Variants in DAAM1 observed in about 807,000 individuals in gnomAD.
The protein encoded by DAAM1 is dishevelled associated activator of morphogenesis 1.
Under a neutral mutation model 130.0 loss-of-function variants are expected in DAAM1, and 52 were observed. The observed-to-expected ratio is 0.40, with a 90% confidence interval of 0.32 to 0.50. The LOEUF is 0.50. Ranked by LOEUF, DAAM1 falls within the 20% of genes least tolerant of loss-of-function variation. The pLI is 0.61. For missense variants in DAAM1, 1,134 were observed against 1,303.8 expected (o/e 0.87, Z 2.01); for synonymous variants, 452 against 444.5 (o/e 1.02, Z -0.21).
At position 59,324,448 on chromosome 14, in the gene DAAM1, T is replaced by C; in HGVS notation, c.983T>C (p.Leu328Ser). 6.4e-7 allele frequency: 1 copy of C among 1,571,208 alleles called. No homozygotes were observed. The highest frequency in any genetic ancestry group is 8.6e-7 in the Non-Finnish European group (1 of 1,157,284). The stretch of plus-strand genomic sequence containing the variant: ...TTAAGGGAACACGAAAATTCAACAT[T>C]AGATAGGTAAGTCAGACTATTATGA... Reference protein sequence around the residue: ...DKLREHENSTLDRHLDFFEML... With the variant: ...DKLREHENSTSDRHLDFFEML... Residue 328 changes from leucine (L) to serine (S), a missense_variant, in exon 8 of 25, where the codon TTA becomes TCA. Leu to Ser is a moderately radical substitution (Grantham distance 145, BLOSUM62 -2). Coordinates refer to ENST00000360909, the MANE Select transcript of DAAM1 (RefSeq NM_001270520.2).
At chr14:59,244,465 A>T (rs1479451179) in intron 1 of DAAM1, among the ~76,000 whole-genome samples, 1 of 152,144 alleles carries the variant, frequency 6.6e-6, no homozygotes, top group Non-Finnish European at 1.5e-5. Context: ...CCGGGGGTGT[A>T]TGTGGATGTG....
intron 3 of DAAM1, among the ~76,000 whole-genome samples, chr14:59,306,280 A>G (rs1168036178): frequency 6.6e-6 from 1 of 152,212 alleles, no homozygotes; most frequent in Non-Finnish European, 1.5e-5. Flanking sequence ...CAAGGAGAGC[A>G]GGGAACTTTG....
At chr14:59,257,571 C>T (rs1389586251) in intron 1 of DAAM1, among the ~76,000 whole-genome samples, 1 of 152,178 alleles carries the variant, frequency 6.6e-6, no homozygotes, top group Non-Finnish European at 1.5e-5. Flanking sequence ...AAAAGTGCAA[C>T]CATTGCCGAG....
At chr14:59,311,859 T>TTTTA (rs1038657751) in intron 3 of DAAM1, among the ~76,000 whole-genome samples, 4 of 151,980 alleles carry the variant, frequency 2.6e-5, no homozygotes, top group African/African-American at 7.3e-5. Context: ...TGGCTAATTG[T>TTTTA]TTTATTTATT....
At chr14:59,364,352 A>G (rs577105804) in intron 23 of DAAM1, among the ~76,000 whole-genome samples, 1 of 151,480 alleles carries the variant, frequency 6.6e-6, no homozygotes, top group Non-Finnish European at 1.5e-5. Context: ...TCAGTAAGAC[A>G]TTTATTTTTA....
intron 16 of DAAM1, among the ~76,000 whole-genome samples, chr14:59,345,733 A>C (rs1396874171): frequency 6.6e-6 from 1 of 152,072 alleles, no homozygotes; most frequent in African/African-American, 2.4e-5. Context: ...TGTGCTTTAC[A>C]CACCTTTGTG....
At chr14:59,330,350 A>C in intron 12 of DAAM1, 151 bp from the exon 13 acceptor site, 1 of 665,858 alleles carries the variant, frequency 1.5e-6, no homozygotes, top group Non-Finnish European at 2.4e-6. Flanking sequence ...TTAGCCTTTG[A>C]GTTGCTCCCT....
intron 12 of DAAM1, among the ~76,000 whole-genome samples, chr14:59,329,679 C>G (rs1885344075): frequency 6.6e-6 from 1 of 152,172 alleles, no homozygotes; most frequent in Admixed American, 6.5e-5. Context: ...TTTTCCAAAA[C>G]TCATCACTCC....
At chr14:59,256,327 A>T (rs1566670367) in intron 1 of DAAM1, among the ~76,000 whole-genome samples, 1 of 152,178 alleles carries the variant, frequency 6.6e-6, no homozygotes, top group Non-Finnish European at 1.5e-5. Context: ...CACATTCCCT[A>T]AAATTTGGCC....
At chr14:59,252,036 CT>C (rs1881667804) in intron 1 of DAAM1, among the ~76,000 whole-genome samples, 1 of 152,168 alleles carries the variant, frequency 6.6e-6, no homozygotes, top group Admixed American at 6.5e-5. Flanking sequence ...TAATTAACAG[CT>C]TGCCACACTG....
intron 2 of DAAM1, among the ~76,000 whole-genome samples, chr14:59,274,062 C>G (rs1209288705): frequency 6.6e-6 from 1 of 152,124 alleles, no homozygotes; most frequent in East Asian, 1.9e-4. Context: ...TACAAGAGCT[C>G]AGTGACCAGC....
chr14:59,343,417 G>A (rs1305823957), intron 16 of DAAM1, among the ~76,000 whole-genome samples: 1 of 152,128 alleles, frequency 6.6e-6, no homozygotes, highest in Non-Finnish European at 1.5e-5. Context: ...GAATAGGAAT[G>A]TTTCTATGTC....
intron 1 of DAAM1, among the ~76,000 whole-genome samples, chr14:59,236,800 T>C (rs542398171): frequency 7.9e-5 from 12 of 152,306 alleles, no homozygotes; most frequent in Non-Finnish European, 1.6e-4. Context: ...TGTATGTTTG[T>C]AGAATAAATT....
chr14:59,298,866 T>G (rs1488561772), intron 3 of DAAM1, among the ~76,000 whole-genome samples: 2 of 152,234 alleles, frequency 1.3e-5, no homozygotes, highest in African/African-American at 4.8e-5. Context: ...CCCTGCCTTG[T>G]GTATCCAGAA....
In DAAM1 at chr14:59,326,915, C is replaced by T. The variant is rs1239661901; in HGVS notation, c.1314-18C>T. 10 of 1,613,534 alleles carry T rather than the reference C, an allele frequency of 6.2e-6. No individual in the cohort carries two copies. In the South Asian group the frequency reaches 6.6e-5, roughly 11 times the overall value. On this transcript the variant is annotated intron_variant, in intron 11 of 24. Coordinates refer to ENST00000360909, the MANE Select transcript of DAAM1 (RefSeq NM_001270520.2). Reference sequence around the variant, plus strand: ...TTTTATATTTTTTGTAATAAATGCTCCTTGAACTCTTACACAGGTTGGTTA... The same window carrying T: ...TTTTATATTTTTTGTAATAAATGCTTCTTGAACTCTTACACAGGTTGGTTA...
chr14:59,343,430 C>T (rs1885929058), intron 16 of DAAM1, among the ~76,000 whole-genome samples: 1 of 152,164 alleles, frequency 6.6e-6, no homozygotes, highest in African/African-American at 2.4e-5. Flanking sequence ...TCTATGTCAG[C>T]ATTTCCTACC....
intron 21 of DAAM1, among the ~76,000 whole-genome samples, chr14:59,360,066 G>A (rs1157753473): frequency 6.6e-6 from 1 of 152,092 alleles, no homozygotes; most frequent in Non-Finnish European, 1.5e-5. Context: ...AATTTGAAAA[G>A]TATAATGAGC....
At chr14:59,284,787 A>G (rs965514063) in intron 2 of DAAM1, among the ~76,000 whole-genome samples, 2 of 152,156 alleles carry the variant, frequency 1.3e-5, no homozygotes, top group East Asian at 3.8e-4. Flanking sequence ...AAGAATGTAA[A>G]AAAAGAATGA....
In DAAM1 at chr14:59,201,160, CAAAA is replaced by C. The variant is rs71111617; in HGVS notation, c.-38+12413_-38+12416del. On this transcript the variant is annotated intron_variant, in intron 1 of 24. Coordinates refer to ENST00000360909, the MANE Select transcript of DAAM1 (RefSeq NM_001270520.2). ...TGGGCGACAGAGTGAGACTCCGTCT[CAAAA>C]AAAAAAAAAAAAAAAAAAAATCCTC... 7.3e-5 allele frequency among the ~76,000 whole-genome samples: 5 copies of C among 68,858 alleles called. No individual in the cohort carries two copies. The South Asian group carries it at 1.7e-3, about 23-fold the overall frequency. 45.2% of individuals were successfully genotyped at this position (68,858 alleles called of 152,430 possible).
Sources: allele counts gnomAD v4.1 joint callset (sites outside exome capture counted in the v4.1 genomes callset), GRCh38; gene constraint gnomAD v4.1.1; transcripts MANE v1.5; gene names NCBI Gene and HGNC (gene_info 2026-07-23, HGNC 2026-07-21).